Variants in PTPRK observed in about 807,000 individuals in gnomAD.
PTPRK encodes the protein receptor-type tyrosine-protein phosphatase kappa.
PTPRK carries 75 observed loss-of-function variants against 178.0 expected under a neutral mutation model. That is an observed-to-expected ratio of 0.42 (90% CI 0.35 to 0.51). The LOEUF (loss-of-function observed/expected upper bound fraction) is 0.51. PTPRK is among the 20% of genes least tolerant of loss of function. The pLI is 0.02. For synonymous variants in PTPRK, 637 were observed against 620.6 expected (o/e 1.03, Z -0.39); for missense variants, 1,441 against 1,797.8 (o/e 0.80, Z 3.59).
chr6:128,271,400 T>A (rs1054025845), intron 3 of PTPRK, among the ~76,000 whole-genome samples: 1 of 152,148 alleles, frequency 6.6e-6, no homozygotes, highest in Non-Finnish European at 1.5e-5. Flanking sequence ...TAAATCAAGA[T>A]GAAAGCACTG....
chr6:127,973,648 G>T lies in PTPRK; in HGVS notation c.4133+16C>A. 1 of 1,612,240 alleles carries T rather than the reference G, an allele frequency of 6.2e-7. No homozygotes were observed. The highest frequency in any genetic ancestry group is 8.5e-7 in the Non-Finnish European group (1 of 1,179,250). On this transcript the variant is annotated intron_variant, in intron 28 of 29. Transcript: ENST00000368226. The stretch of plus-strand genomic sequence containing the variant: ...ACCAAGGCCCCATGAATGACAGGCT[G>T]AGCTGCCCTACTCACAGGCAGTGGA...
At chr6:128,352,021 C>G (rs1278196140) in intron 2 of PTPRK, among the ~76,000 whole-genome samples, 2 of 151,974 alleles carry the variant, frequency 1.3e-5, no homozygotes, top group Non-Finnish European at 2.9e-5. Flanking sequence ...CTTTGGGAGG[C>G]TAAGGCAGGT....
chr6:128,126,519 C>T (rs1422577667), intron 7 of PTPRK, among the ~76,000 whole-genome samples: 1 of 152,068 alleles, frequency 6.6e-6, no homozygotes, highest in African/African-American at 2.4e-5. Context: ...TGGAGTCTCC[C>T]TCTGTGGCCT....
At chr6:128,038,116 A>G (rs1433753929) in intron 13 of PTPRK, among the ~76,000 whole-genome samples, 2 of 152,204 alleles carry the variant, frequency 1.3e-5, no homozygotes, top group Non-Finnish European at 2.9e-5. Flanking sequence ...GCAGAAGTCA[A>G]ACTGAACTTA....
chr6:128,347,200 AT>A lies in PTPRK; in HGVS notation c.224-24891del, dbSNP rs764356994. On this transcript the variant is annotated intron_variant, in intron 2 of 29. Transcript: ENST00000368226. ...ACCTTGATCTCTGACTGCAAAAGAA[AT>A]CTGTGTGATTCACCAGCAAGCTTGA... Among the ~76,000 whole-genome samples the A allele has an allele frequency of 6.3e-4, 96 of 152,158 alleles. 1 individual carries two copies. Among genetic ancestry groups the A allele is most frequent in the Non-Finnish European group, 1.8e-4 (12 of 68,004 alleles).
At chr6:128,010,119 G>A (rs1207511002) in intron 13 of PTPRK, among the ~76,000 whole-genome samples, 4 of 151,268 alleles carry the variant, frequency 2.6e-5, no homozygotes, top group Non-Finnish European at 5.9e-5. Context: ...TAAAGGAACT[G>A]AGGCTTACAA....
intron 6 of PTPRK, among the ~76,000 whole-genome samples, chr6:128,208,675 C>T (rs762902131): frequency 3.3e-5 from 5 of 152,064 alleles, no homozygotes; most frequent in Non-Finnish European, 5.9e-5. Context: ...AGTTAAACAA[C>T]ATGAAAAATT....
intron 7 of PTPRK, among the ~76,000 whole-genome samples, chr6:128,134,501 G>C (rs1794721265): frequency 6.6e-6 from 1 of 152,138 alleles, no homozygotes; most frequent in South Asian, 2.1e-4. Context: ...AAGGCATTTT[G>C]CAGATGTGAT....
At chr6:128,102,194 A>G (rs17055285) in intron 7 of PTPRK, among the ~76,000 whole-genome samples, 5,258 of 152,316 alleles carry the variant, frequency 0.035, 160 homozygotes, top group Middle Eastern at 0.092. Flanking sequence ...GTTGCCTAGT[A>G]GCCATTTAAA....
rs1351772757 is a variant in PTPRK, at chr6:127,985,999, A to G, written c.3097-124T>C. 1.6e-5 allele frequency: 14 copies of G among 891,650 alleles called. No individual in the cohort carries two copies. The East Asian group carries it at 3.9e-4, about 25-fold the overall frequency. The allele number at this position is 891,650 out of a possible 1,614,324, so 55.2% of individuals were successfully genotyped here. On this transcript the variant is annotated intron_variant, in intron 21 of 29. Transcript: ENST00000368226. The stretch of plus-strand genomic sequence containing the variant: ...AACAATAAAACCTTTACGAAAGACT[A>G]TGCCTTTTCTTAAAAAAAAAATATA...
intron 7 of PTPRK, among the ~76,000 whole-genome samples, chr6:128,156,734 A>G (rs1007856934): frequency 1.3e-5 from 2 of 151,914 alleles, no homozygotes; most frequent in African/African-American, 4.8e-5. Context: ...TAAGAAAATA[A>G]CCTTTATTTA....
At chr6:128,371,193 T>C (rs1194307449) in intron 2 of PTPRK, among the ~76,000 whole-genome samples, 6 of 152,184 alleles carry the variant, frequency 3.9e-5, no homozygotes, top group Non-Finnish European at 8.8e-5. Flanking sequence ...TATTTCCCTT[T>C]ACAATTATTA....
intron 1 of PTPRK, among the ~76,000 whole-genome samples, chr6:128,438,489 G>A (rs1845896397): frequency 1.3e-5 from 2 of 152,222 alleles, no homozygotes; most frequent in South Asian, 4.1e-4. Flanking sequence ...CCACAGGCAG[G>A]AAATGGAGAA....
rs565226261 is a variant in PTPRK, at chr6:128,339,929, T to C, written c.224-17619A>G. On this transcript the variant is annotated intron_variant, in intron 2 of 29. Transcript: ENST00000368226. Reference sequence around the variant, plus strand: ...CTTAGGGTGAGTAAGAGAGGTAGTTTTGGCCACTGTTCTAGTTGCCCAGAA... The same window carrying C: ...CTTAGGGTGAGTAAGAGAGGTAGTTCTGGCCACTGTTCTAGTTGCCCAGAA... Among the ~76,000 whole-genome samples the C allele has an allele frequency of 7.2e-5, 11 of 152,234 alleles. No homozygotes were observed. The South Asian group carries it at 2.3e-3, about 32-fold the overall frequency.
At position 128,488,594 on chromosome 6, in the gene PTPRK, G is replaced by C. The variant is rs1853309907; in HGVS notation, c.100+31665C>G. Among the ~76,000 whole-genome samples the C allele has an allele frequency of 3.9e-5, 6 of 152,228 alleles. No homozygotes were observed. In the South Asian group the frequency reaches 1.2e-3, roughly 32 times the overall value. ...TAAACAAAAGCAGATAATTTTCTTT[G>C]AAATAAGGGTTCCACCTCACCTTTC... On this transcript the variant is annotated intron_variant, in intron 1 of 29. Coordinates refer to ENST00000368226, the MANE Select transcript of PTPRK (RefSeq NM_002844.4).
At chr6:128,071,136 CT>C (rs1782752258) in intron 11 of PTPRK, among the ~76,000 whole-genome samples, 1 of 150,102 alleles carries the variant, frequency 6.7e-6, no homozygotes, top group Admixed American at 6.7e-5. Flanking sequence ...AAACACCTGC[CT>C]TTCACGGACC....
intron 7 of PTPRK, among the ~76,000 whole-genome samples, chr6:128,108,069 A>ACACACAC (rs1790014802): frequency 1.9e-4 from 25 of 133,860 alleles, no homozygotes; most frequent in South Asian, 2.4e-4. Context: ...TAAATAGCAA[A>ACACACAC]ACACACACAC....
intron 5 of PTPRK, among the ~76,000 whole-genome samples, chr6:128,235,149 TTGA>T (rs1218867684): frequency 3.3e-5 from 5 of 152,118 alleles, no homozygotes. Flanking sequence ...GTAGTATGTA[TTGA>T]TAATAATTTG....
At chr6:128,065,200 A>G (rs1215490561) in intron 12 of PTPRK, among the ~76,000 whole-genome samples, 1 of 152,196 alleles carries the variant, frequency 6.6e-6, no homozygotes, top group Non-Finnish European at 1.5e-5. Context: ...TGAACATTAC[A>G]TACTTTCATC....
Sources: gnomAD v4.1 joint callset for allele counts (sites outside exome capture counted in the v4.1 genomes callset) on GRCh38, gnomAD v4.1.1 for gene constraint, MANE v1.5 for transcripts, NCBI Gene and HGNC (gene_info 2026-07-23, HGNC 2026-07-21) for gene names.